Variants in AP5M1 observed in about 807,000 individuals in gnomAD.
AP5M1 encodes adaptor related protein complex 5 subunit mu 1, also known as AP-5 complex subunit mu-1.
A neutral mutation model predicts 52.3 loss-of-function variants in AP5M1; 44 were observed. The observed-to-expected ratio is 0.84, with a 90% CI of 0.66 to 1.08. The LOEUF is 1.08. Ranked by LOEUF, AP5M1 falls within the 50% of genes least tolerant of loss-of-function variation. The pLI is 0.00. For missense variants in AP5M1, 526 were observed against 568.4 expected, an observed-to-expected ratio of 0.93 and a Z score of 0.76; for synonymous variants, 213 against 199.0, an observed-to-expected ratio of 1.07 and a Z score of -0.59.
In AP5M1 at chr14:57,292,474, T is replaced by G. The variant is rs912720561; in HGVS notation, c.*3590T>G. 1.3e-5 allele frequency: 2 copies of G among 151,878 alleles called. No homozygotes were observed. The highest frequency in any genetic ancestry group is 2.9e-5 in the Non-Finnish European group (2 of 67,840). 9.4% of individuals were successfully genotyped at this position (151,878 alleles called of 1,614,324 possible). On this transcript the variant is annotated 3_prime_UTR_variant, in exon 8 of 8. Transcript: ENST00000261558. ...AATTTATTTTCAGTATTTGAAGATG[T>G]AAAGTCCTGTCTGCTAAGTTAGAAA... is the stretch of plus-strand genomic sequence containing the variant.
chr14:57,279,231 T>A (rs954631063), intron 2 of AP5M1, among the ~76,000 whole-genome samples: 2 of 152,184 alleles, frequency 1.3e-5, no homozygotes, highest in Non-Finnish European at 2.9e-5. Context: ...CATACACACG[T>A]ATGTTCATTG....
Position 57,292,148 on chromosome 14 carries a change from G to A in AP5M1, c.*3264G>A, listed in dbSNP as rs555716673. 1 of 151,844 alleles carries A rather than the reference G, an allele frequency of 6.6e-6. No individual in the cohort carries two copies. Among genetic ancestry groups the A allele is most frequent in the Non-Finnish European group, 1.5e-5 (1 of 67,840 alleles). 9.4% of individuals were successfully genotyped at this position (151,844 alleles called of 1,614,324 possible). On this transcript the variant is annotated 3_prime_UTR_variant, in exon 8 of 8. Coordinates refer to ENST00000261558, the MANE Select transcript of AP5M1 (RefSeq NM_018229.4). ...TGTACCAGGCTGCTGAAAGGAAAAG[G>A]AGGCAAAAAGCTAAACATGGGATGA...
At position 57,294,501 on chromosome 14, in the gene AP5M1, A is replaced by G. The variant is rs1594713174; in HGVS notation, c.*5617A>G. On this transcript the variant is annotated 3_prime_UTR_variant, in exon 8 of 8. Coordinates refer to ENST00000261558, the MANE Select transcript of AP5M1 (RefSeq NM_018229.4). ...ACCCTGTGATTTTTCTCTTTCATAC[A>G]CATAGCCTGCTTACACCCAATTTCA... The G allele has an allele frequency of 1.3e-5, 2 of 152,000 alleles. No homozygotes were observed. Among genetic ancestry groups the G allele is most frequent in the East Asian group, 1.9e-4 (1 of 5,178 alleles). 9.4% of individuals were successfully genotyped at this position (152,000 alleles called of 1,614,324 possible). A position where few individuals can be genotyped will look rare whatever the true frequency, so the allele number is the denominator to read the frequency against.
At position 57,269,319 on chromosome 14, in the gene AP5M1, C is replaced by A; in HGVS notation, c.5C>A (p.Ala2Glu). M[A>E]QRAVWLISHE... Reference sequence around the variant, plus strand: ...TAATGCTTTACTGACTTAACCATGGCGCAGCGGGCAGTGTGGCTCATAAGC... The same window carrying A: ...TAATGCTTTACTGACTTAACCATGGAGCAGCGGGCAGTGTGGCTCATAAGC... Residue 2 changes from alanine (A) to glutamate (E), a missense_variant, in exon 1 of 8, where the codon GCG becomes GAG. By Grantham distance (107) the Ala-to-Glu change is moderately radical (BLOSUM62 -1). This residue lies in a region of AP5M1 where 425 missense variants were observed against 430.6 expected (regional missense o/e 0.99). Transcript: ENST00000261558. The A allele has an allele frequency of 6.2e-7, 1 of 1,614,050 alleles. No individual in the cohort carries two copies. Among genetic ancestry groups the A allele is most frequent in the Non-Finnish European group, 8.5e-7 (1 of 1,179,984 alleles).
intron 1 of AP5M1, among the ~76,000 whole-genome samples, chr14:57,271,719 G>GT (rs1158208209): frequency 6.6e-6 from 1 of 152,188 alleles, no homozygotes; most frequent in South Asian, 2.1e-4. Context: ...ATTTGTTGAA[G>GT]TTTTTTCTCA....
At position 57,293,726 on chromosome 14, in the gene AP5M1, CA is replaced by C. The variant is rs1281109753; in HGVS notation, c.*4843del. On this transcript the variant is annotated 3_prime_UTR_variant, in exon 8 of 8. Coordinates refer to ENST00000261558, the MANE Select transcript of AP5M1 (RefSeq NM_018229.4). ...CCATCACAGAATATATATATATATA[CA>C]CACAACATATATATACAAGTATATG... 1.3e-5 allele frequency: 2 copies of C among 151,246 alleles called. No individual in the cohort carries two copies. The highest frequency in any genetic ancestry group is 6.6e-5 in the Admixed American group (1 of 15,112). 9.4% of individuals were successfully genotyped at this position (151,246 alleles called of 1,614,324 possible). A position where few individuals can be genotyped will look rare whatever the true frequency, so the allele number is the denominator to read the frequency against.
In AP5M1 at chr14:57,269,073, A is replaced by C; in HGVS notation, c.-242A>C. 1.8e-6 allele frequency: 1 copy of C among 567,596 alleles called. No homozygotes were observed. The highest frequency in any genetic ancestry group is 3.5e-5 in the Admixed American group (1 of 28,316). The allele number at this position is 567,596 out of a possible 1,614,324, so 35.2% of individuals were successfully genotyped here. ...ATACCGGAGTTGCAGGGTATAGGTA[A>C]ATTTCTCAAGGTTATAGGTTGGGGT... On this transcript the variant is annotated 5_prime_UTR_variant, in exon 1 of 8. Coordinates refer to ENST00000261558, the MANE Select transcript of AP5M1 (RefSeq NM_018229.4).
chr14:57,292,320 T>C lies in AP5M1; in HGVS notation c.*3436T>C, dbSNP rs1471988044. On this transcript the variant is annotated 3_prime_UTR_variant, in exon 8 of 8. Coordinates refer to ENST00000261558, the MANE Select transcript of AP5M1 (RefSeq NM_018229.4). Reference sequence around the variant, plus strand: ...GTTGGTGATTAATCCCCCTTTGATCTAGGGTATTTCACTTAACTACCAGTT... The same window carrying C: ...GTTGGTGATTAATCCCCCTTTGATCCAGGGTATTTCACTTAACTACCAGTT... 1.3e-5 allele frequency: 2 copies of C among 151,850 alleles called. No individual in the cohort carries two copies. The highest frequency in any genetic ancestry group is 2.9e-5 in the Non-Finnish European group (2 of 67,820). 9.4% of individuals were successfully genotyped at this position (151,850 alleles called of 1,614,324 possible).
Position 57,290,359 on chromosome 14 carries a change from T to G in AP5M1, c.*1475T>G, listed in dbSNP as rs542932118. On this transcript the variant is annotated 3_prime_UTR_variant, in exon 8 of 8. Coordinates refer to ENST00000261558, the MANE Select transcript of AP5M1 (RefSeq NM_018229.4). ...GTTATTCTAGCTTAATCATAGATAATCAGCAGTGAAAACTTTCCTTTTGAA... is the reference window on the plus strand; with the variant it reads ...GTTATTCTAGCTTAATCATAGATAAGCAGCAGTGAAAACTTTCCTTTTGAA... 2.0e-5 allele frequency: 3 copies of G among 152,106 alleles called. No individual in the cohort carries two copies. The highest frequency in any genetic ancestry group is 4.1e-4 in the South Asian group (2 of 4,834). The allele number at this position is 152,106 out of a possible 1,614,324, so 9.4% of individuals were successfully genotyped here.
intron 6 of AP5M1, among the ~76,000 whole-genome samples, chr14:57,284,361 T>G (rs1002975089): frequency 2.6e-5 from 4 of 152,332 alleles, no homozygotes; most frequent in African/African-American, 9.6e-5. Flanking sequence ...CTTACTTTTA[T>G]TCCTTTGGTT....
At chr14:57,278,461 A>G (rs1004618996) in intron 2 of AP5M1, 5 of 152,258 alleles carry the variant, frequency 3.3e-5, no homozygotes, top group African/African-American at 1.2e-4. Flanking sequence ...CAGGTTTGAG[A>G]GGCTGTCCTG....
At chr14:57,283,498 A>G (rs960103165) in intron 6 of AP5M1, among the ~76,000 whole-genome samples, 2 of 152,210 alleles carry the variant, frequency 1.3e-5, no homozygotes, top group Non-Finnish European at 2.9e-5. Context: ...CTGAGGTGGG[A>G]GGATCGCTCA....
chr14:57,274,885 G>T lies in AP5M1; in HGVS notation c.716G>T (p.Cys239Phe), dbSNP rs1360046559. The T allele has an allele frequency of 2.5e-6, 4 of 1,613,992 alleles. No homozygotes were observed. Among genetic ancestry groups the T allele is most frequent in the Non-Finnish European group, 2.5e-6 (3 of 1,180,014 alleles). Residue 239 changes from cysteine to phenylalanine, a missense_variant, in exon 2 of 8, where the codon TGC (cysteine) becomes TTC (phenylalanine). Around this residue, in one of 3 missense-constraint regions of AP5M1, gnomAD observed 425 missense variants for 430.6 expected, o/e 0.99. Coordinates refer to ENST00000261558, the MANE Select transcript of AP5M1 (RefSeq NM_018229.4). ...TGGCAAGTTGTTGGAACAGTGACTT[G>T]CAAGGTGAGATTTTTCTCTGGTACT... ...DTWQVVGTVT[C>F]KCDLEGIMPN...
intron 3 of AP5M1, among the ~76,000 whole-genome samples, chr14:57,280,786 G>T (rs1594703594): frequency 6.6e-6 from 1 of 152,112 alleles, no homozygotes; most frequent in African/African-American, 2.4e-5. Flanking sequence ...AGGTGGCGGA[G>T]GTTGCGGTGA....
intron 1 of AP5M1, among the ~76,000 whole-genome samples, chr14:57,273,910 A>G (rs971661108): frequency 2.0e-5 from 3 of 152,234 alleles, no homozygotes; most frequent in Non-Finnish European, 4.4e-5. Flanking sequence ...CGGTTCAAGT[A>G]TATACTCCTT....
Position 57,269,400 on chromosome 14 carries a change from T to C in AP5M1, c.74+12T>C, listed in dbSNP as rs374122487. ...GTGAGATTCTCCAGGTAAATGCAAATCTGAATCCTCAGGGATGATGGATCA... is the reference window on the plus strand; with the variant it reads ...GTGAGATTCTCCAGGTAAATGCAAACCTGAATCCTCAGGGATGATGGATCA... On this transcript the variant is annotated intron_variant, in intron 1 of 7. Transcript: ENST00000261558. 11 of 1,613,706 alleles carry C rather than the reference T, an allele frequency of 6.8e-6. No individual in the cohort carries two copies. Among genetic ancestry groups the C allele is most frequent in the African/African-American group, 1.3e-5 (1 of 75,008 alleles).
intron 1 of AP5M1, among the ~76,000 whole-genome samples, chr14:57,269,777 A>G (rs1420212389): frequency 6.6e-6 from 1 of 152,202 alleles, no homozygotes; most frequent in Non-Finnish European, 1.5e-5. Flanking sequence ...TCTACTGAAA[A>G]ATCCATGCTA....
intron 4 of AP5M1, 102 bp downstream of exon 4, chr14:57,282,330 G>A: frequency 1.1e-6 from 1 of 872,876 alleles, no homozygotes; most frequent in Non-Finnish European, 1.6e-6. Context: ...TTTAAGGTCT[G>A]AACAATTTTA....
rs1016243435 is a variant in AP5M1 at position 57,290,091 on chromosome 14, G to A, written c.*1207G>A. 1.3e-4 allele frequency: 19 copies of A among 151,830 alleles called. No individual in the cohort carries two copies. The highest frequency in any genetic ancestry group is 2.8e-4 in the Non-Finnish European group (19 of 67,876). The allele number at this position is 151,830 out of a possible 1,614,324, so 9.4% of individuals were successfully genotyped here. ...TCAATTTGATTATATCTTGGGTTCT[G>A]TTTTTTAATGAGTGTTCTAAGGAAA... is the stretch of plus-strand genomic sequence containing the variant. On this transcript the variant is annotated 3_prime_UTR_variant, in exon 8 of 8. Transcript: ENST00000261558.
Sources: allele counts gnomAD v4.1 joint callset (sites outside exome capture counted in the v4.1 genomes callset), GRCh38; gene constraint gnomAD v4.1.1; regional missense constraint gnomAD v4.1.1; transcripts MANE v1.5; gene names NCBI Gene and HGNC (gene_info 2026-07-23, HGNC 2026-07-21).